LRRC1: variants seen among roughly 807,000 people sequenced by gnomAD.
LRRC1 encodes leucine rich repeat containing 1.
Under a neutral mutation model 69.9 loss-of-function variants are expected in LRRC1, and 28 were observed. The observed-to-expected ratio is 0.40, with a 90% CI of 0.30 to 0.55. The LOEUF (loss-of-function observed/expected upper bound fraction) is 0.55, where lower values mean the gene tolerates loss of function less well. Ranked by LOEUF, LRRC1 falls within the 20% of genes least tolerant of loss-of-function variation. LRRC1 has a pLI of 0.47. For synonymous variants in LRRC1, 236 were observed against 240.2 expected (o/e 0.98, Z 0.16); for missense variants, 498 against 609.0 (o/e 0.82, Z 1.92).
intron 2 of LRRC1, among the ~76,000 whole-genome samples, chr6:53,865,496 G>A (rs1766671366): frequency 6.6e-6 from 1 of 152,096 alleles, no homozygotes; most frequent in African/African-American, 2.4e-5. Context: ...TCCTGTTAGG[G>A]TTCCCTCTGC....
chr6:53,893,830 A>G (rs1767781557), intron 4 of LRRC1, among the ~76,000 whole-genome samples: 1 of 152,110 alleles, frequency 6.6e-6, no homozygotes, highest in Non-Finnish European at 1.5e-5. Context: ...GAACTTTTTT[A>G]CTTAGCAGGA....
intron 2 of LRRC1, among the ~76,000 whole-genome samples, chr6:53,876,249 C>T (rs566484867): frequency 2.0e-5 from 3 of 152,186 alleles, no homozygotes; most frequent in Non-Finnish European, 4.4e-5. Context: ...GTGAGACTTA[C>T]TTACTGTCAT....
At chr6:53,909,072 T>C (rs1396737845) in intron 10 of LRRC1, among the ~76,000 whole-genome samples, 2 of 152,240 alleles carry the variant, frequency 1.3e-5, no homozygotes, top group African/African-American at 4.8e-5. Context: ...AAAACATTTA[T>C]GGATATACAC....
intron 1 of LRRC1, among the ~76,000 whole-genome samples, chr6:53,836,904 T>C (rs971516042): frequency 6.6e-6 from 1 of 152,204 alleles, no homozygotes; most frequent in African/African-American, 2.4e-5. Context: ...CCTTTTGGGT[T>C]TTATTGCCTC....
intron 3 of LRRC1, 150 bp downstream of exon 3, chr6:53,879,221 TATAAATAGCCCTGTACAATGA>T: frequency 9.8e-6 from 6 of 609,522 alleles, no homozygotes; most frequent in Non-Finnish European, 1.2e-5. Flanking sequence ...GATATTTCTT[TATAAATAGCCCTGTACAATGA>T]AAGGCGTACT....
At chr6:53,810,592 C>A (rs369639428) in intron 1 of LRRC1, among the ~76,000 whole-genome samples, 25 of 152,094 alleles carry the variant, frequency 1.6e-4, no homozygotes, top group East Asian at 1.2e-3. Context: ...TGCACTCCAG[C>A]CTGGGCGACA....
At chr6:53,871,959 C>T (rs1330738277) in intron 2 of LRRC1, among the ~76,000 whole-genome samples, 1 of 152,094 alleles carries the variant, frequency 6.6e-6, no homozygotes, top group East Asian at 1.9e-4. Flanking sequence ...TGAGCTACCG[C>T]CCCTGGCCTG....
At position 53,821,096 on chromosome 6, in the gene LRRC1, AT is replaced by A. The variant is rs1325888803; in HGVS notation, c.160-21007del. Among the ~76,000 whole-genome samples the A allele has an allele frequency of 2.6e-5, 4 of 152,096 alleles. No homozygotes were observed. In the East Asian group the frequency reaches 7.7e-4, roughly 29 times the overall value. ...TTTGAAAAATTGAAAGCAAAACATTATTTTTTTCCTTTCCTTTATGCCTATT... is the reference window on the plus strand; with the variant it reads ...TTTGAAAAATTGAAAGCAAAACATTATTTTTTCCTTTCCTTTATGCCTATT... On this transcript the variant is annotated intron_variant, in intron 1 of 13. Coordinates refer to ENST00000370888, the MANE Select transcript of LRRC1 (RefSeq NM_018214.5).
chr6:53,834,731 TG>T (rs1436797242), intron 1 of LRRC1, among the ~76,000 whole-genome samples: 2 of 152,280 alleles, frequency 1.3e-5, no homozygotes, highest in East Asian at 3.9e-4. Flanking sequence ...ACCAGCACTT[TG>T]GGAGGCCGAG....
At chr6:53,814,241 A>T (rs1289475079) in intron 1 of LRRC1, among the ~76,000 whole-genome samples, 1 of 152,198 alleles carries the variant, frequency 6.6e-6, no homozygotes, top group African/African-American at 2.4e-5. Flanking sequence ...AAACTCAGTG[A>T]ATTAACTGAA....
intron 4 of LRRC1, among the ~76,000 whole-genome samples, chr6:53,894,510 A>T (rs539063540): frequency 2.7e-4 from 41 of 152,282 alleles, no homozygotes; most frequent in Non-Finnish European, 5.9e-4. Context: ...TTCTTTCATT[A>T]GTGGGTGTCC....
Position 53,922,903 on chromosome 6 carries a change from A to G in LRRC1, c.*110A>G, listed in dbSNP as rs926989885. 10 of 1,053,476 alleles carry G rather than the reference A, an allele frequency of 9.5e-6. No homozygotes were observed. Among genetic ancestry groups the G allele is most frequent in the African/African-American group, 1.6e-5 (1 of 63,254 alleles). 65.3% of individuals were successfully genotyped at this position (1,053,476 alleles called of 1,614,324 possible). A position where few individuals can be genotyped will look rare whatever the true frequency, so the allele number is the denominator to read the frequency against. On this transcript the variant is annotated 3_prime_UTR_variant, in exon 14 of 14. Coordinates refer to ENST00000370888, the MANE Select transcript of LRRC1 (RefSeq NM_018214.5). ...TTGTCCTAACCAGCCCCCGCGCGCC[A>G]TCTTCCCGTGGAGTGTGGGGAAGCT...
chr6:53,862,234 C>T (rs181340763), intron 2 of LRRC1, among the ~76,000 whole-genome samples: 15 of 151,794 alleles, frequency 9.9e-5, no homozygotes, highest in Middle Eastern at 3.4e-3. Context: ...CTTTTTTCCC[C>T]TCATTTTTGA....
chr6:53,873,233 A>T (rs1162188547), intron 2 of LRRC1, among the ~76,000 whole-genome samples: 2 of 151,432 alleles, frequency 1.3e-5, no homozygotes, highest in Admixed American at 6.6e-5. Context: ...ATTGATTTTT[A>T]AAAATTTCTT....
chr6:53,899,797 G>T lies in LRRC1; in HGVS notation c.693G>T (p.Arg231Ser), dbSNP rs145944021. The T allele has an allele frequency of 6.2e-7, 1 of 1,614,084 alleles. No individual in the cohort carries two copies. ...NLLCLDVSEN[R>S]LERLPEEISG... is the part of the protein sequence containing the mutation. ...TGTGTTTAGATGTCTCTGAAAACAG[G>T]TTGGAAAGACTTCCTGAAGAAATCA... Residue 231 changes from arginine to serine, a missense_variant, in exon 8 of 14, where the codon AGG becomes AGT. Transcript: ENST00000370888.
At chr6:53,874,067 C>G (rs997509623) in intron 2 of LRRC1, among the ~76,000 whole-genome samples, 1 of 152,200 alleles carries the variant, frequency 6.6e-6, no homozygotes, top group African/African-American at 2.4e-5. Context: ...AACAGTGATG[C>G]TCATCCTGTG....
rs377553877 is a variant in LRRC1 at position 53,919,573 on chromosome 6, C to T, written c.1182C>T (p.Pro394=). The change falls in exon 12 of 14, where the codon CCC becomes CCT. Residue 394 remains proline, a synonymous_variant. Coordinates refer to ENST00000370888, the MANE Select transcript of LRRC1 (RefSeq NM_018214.5). Reference sequence around the variant, plus strand: ...GGCTATCTGACAACCAGTCCCAGCCCCTGCTTACATTCCAGACAGACACAG... The same window carrying T: ...GGCTATCTGACAACCAGTCCCAGCCTCTGCTTACATTCCAGACAGACACAG... The part of the protein sequence containing the change: ...ALWLSDNQSQ[P]LLTFQTDTDY... 3 of 1,613,594 alleles carry T rather than the reference C, an allele frequency of 1.9e-6. No homozygotes were observed. The highest frequency in any genetic ancestry group is 2.2e-5 in the East Asian group (1 of 44,850).
At position 53,908,765 on chromosome 6, in the gene LRRC1, T is replaced by C. The variant is rs1184078125; in HGVS notation, c.990+4303T>C. On this transcript the variant is annotated intron_variant, in intron 10 of 13. Transcript: ENST00000370888. ...TCTGTCTTTACTCTATTAGAAGTTC[T>C]TCTACACCAATAAGGAAAAGATGTA... 2.0e-5 allele frequency among the ~76,000 whole-genome samples: 3 copies of C among 152,238 alleles called. No homozygotes were observed. In the East Asian group the frequency reaches 5.8e-4, roughly 29 times the overall value.
chr6:53,807,637 T>C (rs1764669788), intron 1 of LRRC1, among the ~76,000 whole-genome samples: 1 of 151,620 alleles, frequency 6.6e-6, no homozygotes, highest in Non-Finnish European at 1.5e-5. Flanking sequence ...CCCAGCTACT[T>C]GGCAGGCTGA....
Sources: gnomAD v4.1 joint callset for allele counts (sites outside exome capture counted in the v4.1 genomes callset) on GRCh38, gnomAD v4.1.1 for gene constraint, MANE v1.5 for transcripts, NCBI Gene and HGNC (gene_info 2026-07-23, HGNC 2026-07-21) for gene names.